The following MYRIP variants were observed in gnomAD, a reference collection of about 807,000 sequenced individuals.
MYRIP encodes the protein rab effector MyRIP.
A neutral mutation model predicts 98.0 loss-of-function variants in MYRIP; 49 were observed. The ratio of observed to expected loss-of-function variants is 0.50; its 90% CI spans 0.40 to 0.63. The LOEUF (loss-of-function observed/expected upper bound fraction) is 0.63, where lower values mean the gene tolerates loss of function less well. Ranked by LOEUF, MYRIP falls within the 30% of genes least tolerant of loss-of-function variation. The probability of loss-of-function intolerance (pLI) is 0.00; values close to 1 mark genes in which losing one functional copy is unlikely to be tolerated. For synonymous variants in MYRIP, 404 were observed against 409.5 expected, an observed-to-expected ratio of 0.99 and a Z score of 0.16; for missense variants, 1,004 against 1,058.2, an observed-to-expected ratio of 0.95 and a Z score of 0.71.
chr3:39,823,102 C>T (rs564665235), intron 1 of MYRIP, among the ~76,000 whole-genome samples: 2 of 151,080 alleles, frequency 1.3e-5, no homozygotes, highest in Non-Finnish European at 2.9e-5. Context: ...TCACTGCAAC[C>T]TCCGCCTCCT....
intron 1 of MYRIP, among the ~76,000 whole-genome samples, chr3:39,889,659 C>A (rs1156649419): frequency 6.6e-6 from 1 of 152,004 alleles, no homozygotes; most frequent in African/African-American, 2.4e-5. Context: ...TGCACATGTA[C>A]CCTAAAACTT....
At position 39,945,309 on chromosome 3, in the gene MYRIP, C is replaced by CAA. The variant is rs57600928; in HGVS notation, c.110+44408_110+44409dup. Among the ~76,000 whole-genome samples the CAA allele has an allele frequency of 6.8e-4, 29 of 42,946 alleles. 1 individual carries two copies. Among genetic ancestry groups the CAA allele is most frequent in the South Asian group, 1.2e-3 (1 of 834 alleles). The allele number at this position is 42,946 out of a possible 152,430, so 28.2% of individuals were successfully genotyped here. A position where few individuals can be genotyped will look rare whatever the true frequency, so the allele number is the denominator to read the frequency against. Reference sequence around the variant, plus strand: ...ACATGGTGAAATACCATCTCTACTACAAAAAAAAAAAAAAAAAAAAAAAAA... The same window carrying CAA: ...ACATGGTGAAATACCATCTCTACTACAAAAAAAAAAAAAAAAAAAAAAAAAAA... On this transcript the variant is annotated intron_variant, in intron 2 of 16. Transcript: ENST00000302541.
At chr3:40,020,722 A>G (rs1559563550) in intron 2 of MYRIP, among the ~76,000 whole-genome samples, 2 of 152,234 alleles carry the variant, frequency 1.3e-5, no homozygotes, top group African/African-American at 2.4e-5. Context: ...TATGTAAGGC[A>G]TATAATCACT....
intron 1 of MYRIP, among the ~76,000 whole-genome samples, chr3:39,879,060 G>C (rs1943094380): frequency 7.4e-6 from 1 of 134,260 alleles, no homozygotes; most frequent in Non-Finnish European, 1.7e-5. Flanking sequence ...GCGAGACTCT[G>C]TCTCAAAAAA....
intron 2 of MYRIP, among the ~76,000 whole-genome samples, chr3:39,989,771 G>A (rs1228104183): frequency 6.6e-6 from 1 of 152,246 alleles, no homozygotes; most frequent in Non-Finnish European, 1.5e-5. Flanking sequence ...GGTCAGGCCT[G>A]AAGAGGCACT....
At chr3:39,888,789 G>A (rs141530037) in intron 1 of MYRIP, among the ~76,000 whole-genome samples, 2 of 152,122 alleles carry the variant, frequency 1.3e-5, no homozygotes, top group African/African-American at 2.4e-5. Context: ...ATCTGACAAA[G>A]GGTAATATCC....
chr3:39,991,306 G>A (rs1300519255), intron 2 of MYRIP, among the ~76,000 whole-genome samples: 1 of 152,160 alleles, frequency 6.6e-6, no homozygotes, highest in East Asian at 1.9e-4. Context: ...CTTAAAACCA[G>A]ATGGAAATGT....
At chr3:39,888,283 A>G (rs1456855439) in intron 1 of MYRIP, among the ~76,000 whole-genome samples, 2 of 152,148 alleles carry the variant, frequency 1.3e-5, no homozygotes, top group African/African-American at 4.8e-5. Flanking sequence ...AAACTATACT[A>G]CAAGGCTACA....
intron 2 of MYRIP, among the ~76,000 whole-genome samples, chr3:39,916,605 A>G (rs1199331764): frequency 1.3e-5 from 2 of 152,096 alleles, no homozygotes; most frequent in Non-Finnish European, 2.9e-5. Context: ...ATCTATGGCC[A>G]TAGTTACCAT....
chr3:40,016,233 G>A (rs1454196265), intron 2 of MYRIP, among the ~76,000 whole-genome samples: 2 of 151,984 alleles, frequency 1.3e-5, no homozygotes, highest in Admixed American at 1.3e-4. Flanking sequence ...TCCGACCTGT[G>A]TTTCCTCTTG....
At chr3:39,832,117 T>C (rs1941468473) in intron 1 of MYRIP, among the ~76,000 whole-genome samples, 5 of 152,234 alleles carry the variant, frequency 3.3e-5, no homozygotes, top group African/African-American at 9.6e-5. Context: ...CCTGTGTGCA[T>C]TCTCTGCATC....
intron 2 of MYRIP, among the ~76,000 whole-genome samples, chr3:39,950,618 CT>C (rs1344650731): frequency 6.6e-6 from 1 of 152,134 alleles, no homozygotes; most frequent in African/African-American, 2.4e-5. Flanking sequence ...CTGGGTCTCT[CT>C]TTCCATTTGT....
intron 3 of MYRIP, among the ~76,000 whole-genome samples, chr3:40,146,306 G>A (rs1054136441): frequency 6.6e-6 from 1 of 152,182 alleles, no homozygotes; most frequent in Admixed American, 6.5e-5. Context: ...GATTGAGCCT[G>A]AGACTATCTG....
At chr3:40,167,346 C>T in intron 7 of MYRIP, 107 bp downstream of exon 7, 2 of 960,938 alleles carry the variant, frequency 2.1e-6, no homozygotes, top group Non-Finnish European at 3.2e-6. Context: ...AGCACTGTAT[C>T]TTCTGTGCCT....
chr3:40,034,314 A>C (rs1445772952), intron 2 of MYRIP, among the ~76,000 whole-genome samples: 1 of 152,212 alleles, frequency 6.6e-6, no homozygotes, highest in Non-Finnish European at 1.5e-5. Flanking sequence ...AATTTTTGCA[A>C]CCTACTCATC....
chr3:39,817,530 T>C (rs1248679936), intron 1 of MYRIP, among the ~76,000 whole-genome samples: 3 of 152,164 alleles, frequency 2.0e-5, no homozygotes, highest in Non-Finnish European at 4.4e-5. Context: ...ATTAAAAACA[T>C]TTTTTAAAAT....
chr3:39,909,872 A>G (rs1943975490), intron 2 of MYRIP, among the ~76,000 whole-genome samples: 1 of 137,770 alleles, frequency 7.3e-6, no homozygotes, highest in Non-Finnish European at 1.6e-5. Context: ...AATCCTGGGA[A>G]AAGCACGTTC....
At chr3:39,922,670 C>T (rs1342815455) in intron 2 of MYRIP, among the ~76,000 whole-genome samples, 2 of 152,162 alleles carry the variant, frequency 1.3e-5, no homozygotes, top group African/African-American at 4.8e-5. Context: ...CAAATGAGGA[C>T]CCTGGACTTC....
chr3:40,247,642 G>A lies in MYRIP; in HGVS notation c.2263-2580G>A, dbSNP rs537782994. ...GGGTTCAAGTGATTCTCTTGCCTCA[G>A]CCTCCCGAGTAGCTGGGATTACAGG... On this transcript the variant is annotated intron_variant, in intron 13 of 16. Transcript: ENST00000302541. 9.2e-5 allele frequency among the ~76,000 whole-genome samples: 14 copies of A among 152,290 alleles called. No individual in the cohort carries two copies. The Middle Eastern group carries it at 0.01, about 111-fold the overall frequency.
Sources: allele counts gnomAD v4.1 joint callset (sites outside exome capture counted in the v4.1 genomes callset), GRCh38; gene constraint gnomAD v4.1.1; transcripts MANE v1.5; gene names NCBI Gene and HGNC (gene_info 2026-07-23, HGNC 2026-07-21).